GRIP1: variants seen among roughly 807,000 people sequenced by gnomAD.
GRIP1 encodes the protein glutamate receptor-interacting protein 1.
In GRIP1, 45 loss-of-function variants were observed where a neutral mutation model predicts 129.9. The ratio of observed to expected loss-of-function variants is 0.35; its 90% CI spans 0.27 to 0.44. The LOEUF (loss-of-function observed/expected upper bound fraction) is 0.44, where lower values mean the gene tolerates loss of function less well. Ranked by LOEUF, GRIP1 falls within the 20% of genes least tolerant of loss-of-function variation. GRIP1 has a pLI of 1.00. For synonymous variants in GRIP1, 530 were observed against 520.8 expected (o/e 1.02, Z -0.24); for missense variants, 1,196 against 1,396.8 (o/e 0.86, Z 2.29).
chr12:66,818,883 A>G, intron 1 of GRIP1, among the ~76,000 whole-genome samples: 1 of 152,192 alleles, frequency 6.6e-6, no homozygotes, highest in East Asian at 1.9e-4. Context: ...AGAACCACTA[A>G]TGAGTAAAAA....
intron 14 of GRIP1, among the ~76,000 whole-genome samples, chr12:66,431,019 C>T (rs77084701): frequency 0.037 from 5,668 of 152,176 alleles, 336 homozygotes; most frequent in African/African-American, 0.13. Context: ...AACTCCAAGA[C>T]GCACCACTCC....
intron 1 of GRIP1, among the ~76,000 whole-genome samples, chr12:66,800,056 A>G (rs1490437318): frequency 6.6e-6 from 1 of 152,210 alleles, no homozygotes; most frequent in Non-Finnish European, 1.5e-5. Flanking sequence ...TAATTTAGCT[A>G]ACAATGATTT....
chr12:66,669,677 C>T (rs925811986), intron 1 of GRIP1, among the ~76,000 whole-genome samples: 8 of 152,062 alleles, frequency 5.3e-5, no homozygotes, highest in East Asian at 1.9e-4. Context: ...GTGGCTTTGT[C>T]GGGGCATGCC....
intron 16 of GRIP1, among the ~76,000 whole-genome samples, chr12:66,397,821 G>A (rs2056851430): frequency 6.6e-6 from 1 of 152,194 alleles, no homozygotes; most frequent in Non-Finnish European, 1.5e-5. Flanking sequence ...AACACTGGAT[G>A]ATGCATGGTG....
chr12:66,478,321 C>A lies in GRIP1; in HGVS notation c.725-12899G>T, dbSNP rs147411096. ...ATCAGAGAAATGCAATTCAAAACCA[C>A]AATGAGATATCATCTCACACAAGTT... On this transcript the variant is annotated intron_variant, in intron 7 of 24. Transcript: ENST00000359742. Among the ~76,000 whole-genome samples the A allele has an allele frequency of 2.3e-3, 348 of 152,284 alleles. 3 individuals are homozygous for A. Among genetic ancestry groups the A allele is most frequent in the African/African-American group, 8.2e-3 (339 of 41,564 alleles).
Position 66,432,590 on chromosome 12 carries a change from G to A in GRIP1, c.1726C>T (p.Leu576=), listed in dbSNP as rs1565731960. The change falls in exon 14 of 25, where the codon CTG becomes TTG. Residue 576 remains leucine, a synonymous_variant. Coordinates refer to ENST00000359742, the MANE Select transcript of GRIP1 (RefSeq NM_001366722.1). ...IPSSGTFHVK[L]PKKHNVELGI... ...AGTTCCACATTGTGCTTCTTAGGCA[G>A]CTTTACATGAAATGTTCCACTACTT... 3 of 1,604,730 alleles carry A rather than the reference G, an allele frequency of 1.9e-6. No homozygotes were observed. The highest frequency in any genetic ancestry group is 2.6e-6 in the Non-Finnish European group (3 of 1,172,364).
chr12:66,608,236 G>C (rs1434410814), intron 1 of GRIP1, among the ~76,000 whole-genome samples: 1 of 152,144 alleles, frequency 6.6e-6, no homozygotes. Flanking sequence ...TGTGCTTTTT[G>C]TTATTCAAAG....
At chr12:66,734,498 T>G in intron 1 of GRIP1, among the ~76,000 whole-genome samples, 1 of 152,150 alleles carries the variant, frequency 6.6e-6, no homozygotes, top group East Asian at 1.9e-4. Flanking sequence ...TCAGATTGAT[T>G]AGGGCTTAAA....
At chr12:66,466,506 A>C (rs1169459272) in intron 7 of GRIP1, among the ~76,000 whole-genome samples, 1 of 152,208 alleles carries the variant, frequency 6.6e-6, no homozygotes, top group Non-Finnish European at 1.5e-5. Context: ...ATCTGGATTC[A>C]ATTCTCATTT....
At chr12:66,758,983 T>C (rs2037387242) in intron 1 of GRIP1, among the ~76,000 whole-genome samples, 1 of 152,196 alleles carries the variant, frequency 6.6e-6, no homozygotes, top group Non-Finnish European at 1.5e-5. Context: ...GGATCTATCG[T>C]TCTGGGGTCT....
rs1433766860 is a variant in GRIP1 at position 66,347,576 on chromosome 12, T to G, written c.*1443A>C. The G allele has an allele frequency of 6.6e-6, 1 of 152,234 alleles. No homozygotes were observed. The highest frequency in any genetic ancestry group is 1.5e-5 in the Non-Finnish European group (1 of 68,044). 9.4% of individuals were successfully genotyped at this position (152,234 alleles called of 1,614,324 possible). ...CGATAAATACCATGCTATTAAAGTA[T>G]TAAATTTGTACAAAAATACTTTACA... On this transcript the variant is annotated 3_prime_UTR_variant, in exon 25 of 25. Coordinates refer to ENST00000359742, the MANE Select transcript of GRIP1 (RefSeq NM_001366722.1).
chr12:66,554,702 A>G (rs1004915512), intron 2 of GRIP1, among the ~76,000 whole-genome samples: 1 of 152,136 alleles, frequency 6.6e-6, no homozygotes, highest in Non-Finnish European at 1.5e-5. Flanking sequence ...AGCATTCATT[A>G]CAAGCTGACT....
At chr12:66,630,433 C>G (rs2030637768) in intron 1 of GRIP1, 1 of 152,138 alleles carries the variant, frequency 6.6e-6, no homozygotes, top group African/African-American at 2.4e-5. Context: ...TCTCTTCCCT[C>G]AAGGGGCTTA....
intron 1 of GRIP1, among the ~76,000 whole-genome samples, chr12:66,959,348 A>G (rs986672243): frequency 2.0e-5 from 3 of 152,204 alleles, no homozygotes; most frequent in Admixed American, 2.0e-4. Flanking sequence ...ATGAACTAAA[A>G]AATGTGTTTA....
intron 1 of GRIP1, among the ~76,000 whole-genome samples, chr12:66,719,231 T>A (rs1403159555): frequency 4.6e-5 from 7 of 152,182 alleles, no homozygotes; most frequent in African/African-American, 1.7e-4. Flanking sequence ...AGGGGTACTA[T>A]TCTATTTTGC....
intron 1 of GRIP1, among the ~76,000 whole-genome samples, chr12:66,965,549 T>TTGTGTGTGTGTGTGTGTGTGTG (rs368637185): frequency 1.2e-4 from 15 of 128,342 alleles, no homozygotes; most frequent in Non-Finnish European, 1.8e-4. Context: ...AAAAGAAACA[T>TTGTGTGTGTGTGTGTGTGTGTG]TGTGTGTGTG....
At chr12:66,641,756 G>A (rs1483479412) in intron 1 of GRIP1, among the ~76,000 whole-genome samples, 1 of 152,182 alleles carries the variant, frequency 6.6e-6, no homozygotes, top group East Asian at 1.9e-4. Context: ...AATTCTGTGG[G>A]TCACCTCTCT....
chr12:66,704,280 A>T (rs1276777158), intron 1 of GRIP1, among the ~76,000 whole-genome samples: 3 of 152,074 alleles, frequency 2.0e-5, no homozygotes, highest in Non-Finnish European at 4.4e-5. Context: ...TCAAAGTATT[A>T]AAGCAATAGA....
chr12:66,918,011 G>T (rs1284959865), intron 1 of GRIP1, among the ~76,000 whole-genome samples: 1 of 151,128 alleles, frequency 6.6e-6, no homozygotes, highest in Non-Finnish European at 1.5e-5. Context: ...TAAGAAATTG[G>T]CTGACACATA....
Sources: allele counts gnomAD v4.1 joint callset (sites outside exome capture counted in the v4.1 genomes callset), GRCh38; gene constraint gnomAD v4.1.1; transcripts MANE v1.5; gene names NCBI Gene and HGNC (gene_info 2026-07-23, HGNC 2026-07-21).